Variants in SORCS2 observed in about 807,000 individuals in gnomAD.
SORCS2 encodes the protein VPS10 domain-containing receptor SorCS2.
SORCS2 carries 100 observed loss-of-function variants against 141.6 expected under a neutral mutation model. The ratio of observed to expected loss-of-function variants is 0.71; its 90% CI spans 0.60 to 0.83. The LOEUF (loss-of-function observed/expected upper bound fraction) is 0.83, where lower values mean the gene tolerates loss of function less well. Ranked by LOEUF, SORCS2 falls within the 40% of genes least tolerant of loss-of-function variation. The pLI is 0.00. For synonymous variants in SORCS2, 789 were observed against 676.9 expected (o/e 1.17, Z -2.57); for missense variants, 1,646 against 1,560.2 (o/e 1.05, Z -0.93).
intron 2 of SORCS2, among the ~76,000 whole-genome samples, chr4:7,426,612 T>C (rs1726458594): frequency 6.6e-6 from 1 of 152,152 alleles, no homozygotes. Flanking sequence ...CCGATGGAAA[T>C]AGCACATGTA....
chr4:7,619,820 C>A (rs1719035523), intron 3 of SORCS2, among the ~76,000 whole-genome samples: 1 of 152,144 alleles, frequency 6.6e-6, no homozygotes, highest in African/African-American at 2.4e-5. Flanking sequence ...CCTTTAGGAG[C>A]ACACGCATGT....
At chr4:7,531,496 T>G in intron 2 of SORCS2, 34 bp from the exon 3 acceptor site, 2 of 1,598,886 alleles carry the variant, frequency 1.3e-6, no homozygotes, top group Non-Finnish European at 1.7e-6. Context: ...ACTTGGAGGG[T>G]ACATGGCTGA....
intron 3 of SORCS2, among the ~76,000 whole-genome samples, chr4:7,609,440 C>G (rs1440130700): frequency 1.3e-5 from 2 of 152,206 alleles, no homozygotes; most frequent in Non-Finnish European, 2.9e-5. Context: ...CAGACCTGTT[C>G]TCAGCCATCC....
chr4:7,314,418 C>A (rs1282304116), intron 1 of SORCS2, among the ~76,000 whole-genome samples: 1 of 151,272 alleles, frequency 6.6e-6, no homozygotes, highest in South Asian at 2.1e-4. Context: ...TGACTCCCTG[C>A]AAGCGTCGTC....
chr4:7,495,130 A>G (rs4689131), intron 2 of SORCS2, among the ~76,000 whole-genome samples: 114,618 of 152,162 alleles, frequency 0.75, 43,540 homozygotes, highest in East Asian at 0.99. Flanking sequence ...TACTACAGTC[A>G]GCTTAGAAAC....
intron 14 of SORCS2, among the ~76,000 whole-genome samples, chr4:7,706,009 G>T (rs1725407914): frequency 6.8e-6 from 1 of 146,290 alleles, no homozygotes; most frequent in Non-Finnish European, 1.6e-5. Context: ...TGCCTGGACA[G>T]GGATGAGGCT....
intron 2 of SORCS2, among the ~76,000 whole-genome samples, chr4:7,416,036 G>C (rs536225857): frequency 6.6e-6 from 1 of 152,332 alleles, no homozygotes; most frequent in East Asian, 1.9e-4. Context: ...GGGACCCTAA[G>C]GAGTTTAGAG....
At chr4:7,443,058 T>G (rs1727777714) in intron 2 of SORCS2, among the ~76,000 whole-genome samples, 1 of 152,218 alleles carries the variant, frequency 6.6e-6, no homozygotes, top group Non-Finnish European at 1.5e-5. Context: ...TCCTTCTTCC[T>G]ATGAGAATAC....
chr4:7,736,679 C>T (rs1313579085), intron 25 of SORCS2, among the ~76,000 whole-genome samples: 1 of 152,172 alleles, frequency 6.6e-6, no homozygotes, highest in African/African-American at 2.4e-5. Flanking sequence ...TGGGCCGGCT[C>T]GTGCCTCCTG....
At chr4:7,314,303 G>T (rs1285763131) in intron 1 of SORCS2, among the ~76,000 whole-genome samples, 1 of 151,728 alleles carries the variant, frequency 6.6e-6, no homozygotes, top group Non-Finnish European at 1.5e-5. Context: ...TCTCCCCAGA[G>T]TTCCTAAGAA....
chr4:7,639,243 C>T (rs540130421), intron 4 of SORCS2, among the ~76,000 whole-genome samples: 10 of 152,322 alleles, frequency 6.6e-5, no homozygotes, highest in Admixed American at 3.9e-4. Context: ...CCAAAACCAG[C>T]GAAGATCAAA....
intron 2 of SORCS2, among the ~76,000 whole-genome samples, chr4:7,496,453 TCCCCG>T (rs1731628695): frequency 3.4e-5 from 2 of 58,278 alleles, no homozygotes; most frequent in African/African-American, 1.3e-4. Flanking sequence ...CCCCACCCGT[TCCCCG>T]TCCCCCGTCC....
At chr4:7,714,065 G>T (rs757337061) in intron 15 of SORCS2, among the ~76,000 whole-genome samples, 175 bp from the exon 16 acceptor site, 1 of 152,194 alleles carries the variant, frequency 6.6e-6, no homozygotes, top group Non-Finnish European at 1.5e-5. Flanking sequence ...GGGATGAGAG[G>T]GAGGCTTCCC....
intron 3 of SORCS2, among the ~76,000 whole-genome samples, chr4:7,574,831 T>A (rs925016009): frequency 6.6e-6 from 1 of 152,182 alleles, no homozygotes; most frequent in African/African-American, 2.4e-5. Context: ...TCCCCAGGGA[T>A]GACTTGAGTG....
At chr4:7,691,532 C>G (rs915478019) in intron 11 of SORCS2, among the ~76,000 whole-genome samples, 1 of 152,130 alleles carries the variant, frequency 6.6e-6, no homozygotes, top group African/African-American at 2.4e-5. Flanking sequence ...AGCCCTTCAG[C>G]TTCCGGAGTT....
intron 3 of SORCS2, among the ~76,000 whole-genome samples, chr4:7,602,017 C>T (rs1472946158): frequency 6.6e-6 from 1 of 152,170 alleles, no homozygotes; most frequent in Non-Finnish European, 1.5e-5. Context: ...CATCCCAAGG[C>T]AGAAGAATTT....
intron 24 of SORCS2, among the ~76,000 whole-genome samples, chr4:7,733,991 TGGCAGGGACAGGCAGGGGATA>T (rs377525162): frequency 7.8e-4 from 118 of 151,184 alleles, no homozygotes; most frequent in African/African-American, 2.7e-3. Context: ...AAGGAGGCTG[TGGCAGGGACAGGCAGGGGATA>T]GGCAGGGACA....
intron 3 of SORCS2, among the ~76,000 whole-genome samples, chr4:7,559,396 A>C (rs1714368142): frequency 6.6e-6 from 1 of 152,218 alleles, no homozygotes; most frequent in South Asian, 2.1e-4. Context: ...CACAGAGGTC[A>C]GGGCGCACCT....
intron 3 of SORCS2, among the ~76,000 whole-genome samples, chr4:7,597,943 G>C (rs572452782): frequency 1.3e-5 from 2 of 151,692 alleles, no homozygotes; most frequent in Non-Finnish European, 2.9e-5. Flanking sequence ...TGGTCAGTGG[G>C]GATGACAGTT....
Sources: allele counts gnomAD v4.1 joint callset (sites outside exome capture counted in the v4.1 genomes callset), GRCh38; gene constraint gnomAD v4.1.1; transcripts MANE v1.5; gene names NCBI Gene and HGNC (gene_info 2026-07-23, HGNC 2026-07-21).